Variants in CCSER1 observed in about 807,000 individuals in gnomAD.
The protein encoded by CCSER1 is coiled-coil serine rich protein 1.
In CCSER1, 41 loss-of-function variants were observed where a neutral mutation model predicts 82.0. That is an observed-to-expected ratio of 0.50 (90% CI 0.39 to 0.65). The LOEUF (loss-of-function observed/expected upper bound fraction) is 0.65. Ranked by LOEUF, CCSER1 falls within the 30% of genes least tolerant of loss-of-function variation. The pLI, the probability that CCSER1 is intolerant of heterozygous loss-of-function variation, is 0.00. For missense variants in CCSER1, 1,119 were observed against 1,064.2 expected (o/e 1.05, Z -0.72); for synonymous variants, 414 against 383.9 (o/e 1.08, Z -0.92).
chr4:91,381,155 C>T (rs895269033), intron 10 of CCSER1, among the ~76,000 whole-genome samples: 1 of 152,150 alleles, frequency 6.6e-6, no homozygotes, highest in African/African-American at 2.4e-5. Context: ...GGTAACCTGA[C>T]CTTTCTCTAT....
intron 10 of CCSER1, among the ~76,000 whole-genome samples, chr4:91,157,631 G>A (rs1004059583): frequency 2.0e-5 from 3 of 151,976 alleles, no homozygotes; most frequent in African/African-American, 7.2e-5. Flanking sequence ...CATCTATATG[G>A]TAATGCCAGG....
chr4:90,657,529 G>A (rs972642098), intron 6 of CCSER1, among the ~76,000 whole-genome samples: 10 of 151,982 alleles, frequency 6.6e-5, no homozygotes, highest in Admixed American at 1.3e-4. Flanking sequence ...ATGTTACACC[G>A]TATACCGTGT....
At chr4:90,270,905 A>C (rs1726135570) in intron 1 of CCSER1, among the ~76,000 whole-genome samples, 1 of 152,154 alleles carries the variant, frequency 6.6e-6, no homozygotes, top group Non-Finnish European at 1.5e-5. Flanking sequence ...TACAAATAAA[A>C]TTAAATACTT....
At chr4:90,231,423 C>G (rs952571405) in intron 1 of CCSER1, among the ~76,000 whole-genome samples, 6 of 150,814 alleles carry the variant, frequency 4.0e-5, no homozygotes, top group Middle Eastern at 3.4e-3. Flanking sequence ...ATTCAACAAC[C>G]CTTCATGCTA....
intron 6 of CCSER1, among the ~76,000 whole-genome samples, chr4:90,703,979 G>A (rs1454655258): frequency 6.6e-6 from 1 of 152,102 alleles, no homozygotes. Context: ...TTCCATTTAA[G>A]GTTAGTATTG....
intron 6 of CCSER1, among the ~76,000 whole-genome samples, chr4:90,700,328 T>A (rs890311586): frequency 3.3e-5 from 5 of 152,210 alleles, no homozygotes; most frequent in Non-Finnish European, 5.9e-5. Flanking sequence ...TCATCCTTTT[T>A]TATGGCTGCA....
chr4:90,402,421 T>G (rs1013377931), intron 4 of CCSER1, among the ~76,000 whole-genome samples: 1 of 152,236 alleles, frequency 6.6e-6, no homozygotes, highest in African/African-American at 2.4e-5. Flanking sequence ...TCAGGAAAAC[T>G]TTTTATAGAG....
intron 10 of CCSER1, among the ~76,000 whole-genome samples, chr4:91,514,824 A>G (rs534488052): frequency 6.6e-6 from 1 of 152,324 alleles, no homozygotes; most frequent in East Asian, 1.9e-4. Context: ...ACAGGACGAC[A>G]AAGTCTCTCA....
chr4:91,315,668 C>G (rs974916981), intron 10 of CCSER1, among the ~76,000 whole-genome samples: 51 of 152,030 alleles, frequency 3.4e-4, no homozygotes, highest in African/African-American at 1.2e-3. Flanking sequence ...TCCACTTGAT[C>G]AGTAATAATT....
chr4:90,629,425 C>T (rs943493132), intron 6 of CCSER1, among the ~76,000 whole-genome samples: 3 of 152,156 alleles, frequency 2.0e-5, no homozygotes, highest in Admixed American at 6.5e-5. Flanking sequence ...AGCAAAGTCA[C>T]GTCTTACACG....
intron 10 of CCSER1, among the ~76,000 whole-genome samples, chr4:91,326,118 AGATT>A (rs1470820616): frequency 2.0e-5 from 3 of 152,172 alleles, no homozygotes; most frequent in Non-Finnish European, 4.4e-5. Context: ...TACAAAACCT[AGATT>A]GATTAAATTA....
intron 10 of CCSER1, among the ~76,000 whole-genome samples, chr4:91,201,107 T>A (rs1345858045): frequency 6.6e-6 from 1 of 152,072 alleles, no homozygotes; most frequent in African/African-American, 2.4e-5. Context: ...TTTCCTCATG[T>A]GGCTGTTCTC....
At chr4:90,221,888 A>AT (rs1452201066) in intron 1 of CCSER1, among the ~76,000 whole-genome samples, 1 of 152,172 alleles carries the variant, frequency 6.6e-6, no homozygotes. Flanking sequence ...GGCTGCTTTT[A>AT]TTACCACTAA....
chr4:91,559,204 G>A (rs1762544751), intron 10 of CCSER1, among the ~76,000 whole-genome samples: 1 of 151,426 alleles, frequency 6.6e-6, no homozygotes, highest in Non-Finnish European at 1.5e-5. Context: ...TAGAGTTAAA[G>A]TCAGTGTGTT....
At chr4:91,140,902 CT>C (rs1728961545) in intron 10 of CCSER1, among the ~76,000 whole-genome samples, 1 of 152,036 alleles carries the variant, frequency 6.6e-6, no homozygotes, top group South Asian at 2.1e-4. Context: ...ATGATTGGAC[CT>C]GTCACCCAAG....
chr4:91,457,288 AT>A (rs1756234496), intron 10 of CCSER1, among the ~76,000 whole-genome samples: 1 of 152,224 alleles, frequency 6.6e-6, no homozygotes, highest in Non-Finnish European at 1.5e-5. Flanking sequence ...ACATTGTACA[AT>A]TTTTTTCTAA....
At chr4:91,033,747 G>A (rs1741189484) in intron 9 of CCSER1, among the ~76,000 whole-genome samples, 3 of 152,124 alleles carry the variant, frequency 2.0e-5, no homozygotes, top group Admixed American at 2.0e-4. Context: ...TGTCTTTAAA[G>A]CTTCTTCATC....
intron 9 of CCSER1, among the ~76,000 whole-genome samples, chr4:91,037,797 A>T (rs868091698): frequency 6.6e-6 from 1 of 151,740 alleles, no homozygotes; most frequent in African/African-American, 2.4e-5. Flanking sequence ...AATTTATTTA[A>T]TAAATAACTA....
At chr4:90,476,032 G>GTC (rs1408009901) in intron 5 of CCSER1, among the ~76,000 whole-genome samples, 5 of 148,432 alleles carry the variant, frequency 3.4e-5, no homozygotes, top group Non-Finnish European at 5.9e-5. Context: ...GTGTGTGTGT[G>GTC]TGTGTGTGTG....
Sources: gnomAD v4.1 joint callset for allele counts (sites outside exome capture counted in the v4.1 genomes callset) on GRCh38, gnomAD v4.1.1 for gene constraint, MANE v1.5 for transcripts, NCBI Gene and HGNC (gene_info 2026-07-23, HGNC 2026-07-21) for gene names.